Variants in MACF1 observed in about 807,000 individuals in gnomAD.
The protein encoded by MACF1 is microtubule-actin cross-linking factor 1.
A neutral mutation model predicts 854.8 loss-of-function variants in MACF1; 193 were observed. The observed-to-expected ratio is 0.23, with a 90% CI of 0.20 to 0.25. MACF1 has a LOEUF of 0.25. Among genes scored for constraint, MACF1 ranks in the 10% least tolerant of loss-of-function variants. MACF1 has a pLI of 1.00. For missense variants in MACF1, 7,722 were observed against 8,929.1 expected (o/e 0.86, Z 5.45); for synonymous variants, 3,185 against 3,226.7 (o/e 0.99, Z 0.44).
intron 2 of MACF1, among the ~76,000 whole-genome samples, chr1:39,233,794 T>TG (rs1328542259): frequency 1.1e-5 from 1 of 92,020 alleles, no homozygotes; most frequent in Non-Finnish European, 2.6e-5. Flanking sequence ...TTTTTTTTTT[T>TG]TTTATTTATT....
At chr1:39,156,033 G>A (rs544868071) in intron 2 of MACF1, among the ~76,000 whole-genome samples, 3 of 152,166 alleles carry the variant, frequency 2.0e-5, no homozygotes, top group East Asian at 1.9e-4. Flanking sequence ...GACTACAGGC[G>A]CCCGCCACCG....
At chr1:39,368,906 C>G (rs1471726861) in intron 50 of MACF1, among the ~76,000 whole-genome samples, 2 of 151,558 alleles carry the variant, frequency 1.3e-5, no homozygotes, top group Non-Finnish European at 2.9e-5. Context: ...AAATTTGAGG[C>G]AGCAAGTAAG....
At chr1:39,340,090 C>T (rs944156055) in intron 38 of MACF1, among the ~76,000 whole-genome samples, 3 of 152,122 alleles carry the variant, frequency 2.0e-5, no homozygotes, top group Admixed American at 6.6e-5. Flanking sequence ...GTCATCCGTT[C>T]GGTTTATTTT....
chr1:39,430,752 T>G lies in MACF1; in HGVS notation c.17181T>G (p.Asn5727Lys), dbSNP rs1643865089. The change falls in exon 66 of 101, where the codon AAT (asparagine) becomes AAG (lysine). Residue 5727 changes from asparagine to lysine, a missense_variant. Physicochemically the swap from Asn to Lys is moderately conservative, Grantham distance 94. Around this residue, in one of 15 missense-constraint regions of MACF1, gnomAD observed 2,807 missense variants for 3,235.8 expected, o/e 0.87. Transcript: ENST00000564288. ...MEHRLVLDTV[N>K]EVSRALLELV... is the part of the protein sequence containing the mutation. ...ACAGGCTGGTGTTGGACACAGTGAATGAGGTGAGCCGTGCTCTCTTAGAGC... is the reference window on the plus strand; with the variant it reads ...ACAGGCTGGTGTTGGACACAGTGAAGGAGGTGAGCCGTGCTCTCTTAGAGC... 1 of 1,612,042 alleles carries G rather than the reference T, an allele frequency of 6.2e-7. No homozygotes were observed. Among genetic ancestry groups the G allele is most frequent in the Non-Finnish European group, 8.5e-7 (1 of 1,179,942 alleles).
chr1:39,414,710 C>T (rs1035093476), intron 58 of MACF1, among the ~76,000 whole-genome samples: 18 of 152,136 alleles, frequency 1.2e-4, no homozygotes, highest in Non-Finnish European at 2.2e-4. Context: ...GCCAATCCCA[C>T]GGAAAACAGG....
intron 28 of MACF1, 82 bp from the exon 29 acceptor site, chr1:39,317,132 C>T: frequency 1.5e-6 from 2 of 1,345,036 alleles, no homozygotes; most frequent in Admixed American, 2.3e-5. Context: ...AGCTGTAGAC[C>T]GTGTCCTTGT....
At chr1:39,468,059 G>T (rs1644705584) in intron 95 of MACF1, 1 of 152,222 alleles carries the variant, frequency 6.6e-6, no homozygotes. Context: ...TGGTGCAGAG[G>T]CAGTGGTGTG....
chr1:39,205,676 C>T (rs976416013), intron 1 of MACF1, among the ~76,000 whole-genome samples: 3 of 152,034 alleles, frequency 2.0e-5, no homozygotes, highest in Non-Finnish European at 4.4e-5. Flanking sequence ...TGTCTGTGTT[C>T]TCTTTGATAT....
intron 70 of MACF1, chr1:39,436,373 A>C (rs755951027): frequency 8.7e-7 from 1 of 1,144,946 alleles, no homozygotes; most frequent in African/African-American, 1.5e-5. Flanking sequence ...CTTCCGTCCC[A>C]TCTCTCACTC....
At chr1:39,272,351 G>A (rs993009181) in intron 6 of MACF1, among the ~76,000 whole-genome samples, 1 of 152,146 alleles carries the variant, frequency 6.6e-6, no homozygotes, top group African/African-American at 2.4e-5. Context: ...CAGAGAAACA[G>A]AGAGGGCAAC....
rs199527234 is a variant in MACF1 at position 39,412,417 on chromosome 1, G to A, written c.15817-9957G>A. The A allele has an allele frequency of 5.8e-4, 938 of 1,614,028 alleles. 3 individuals are homozygous for A. The highest frequency in any genetic ancestry group is 2.0e-3 in the Middle Eastern group (12 of 6,062). On this transcript the variant is annotated intron_variant, in intron 58 of 100. Transcript: ENST00000564288. ...GTCTGTGGAGAAAGTTTGTGATGAG[G>A]ATGGTGAGGCAAAAGAGCTGGATTA... is the stretch of plus-strand genomic sequence containing the variant.
chr1:39,451,996 C>T (rs1644351703), intron 85 of MACF1, among the ~76,000 whole-genome samples, 160 bp from the exon 86 acceptor site: 1 of 152,212 alleles, frequency 6.6e-6, no homozygotes, highest in Non-Finnish European at 1.5e-5. Context: ...GCATGAGCCA[C>T]TGCGCCCGGC....
At position 39,485,811 on chromosome 1, in the gene MACF1, C is replaced by A. The variant is rs545883235; in HGVS notation, c.*17C>A. ...AAGCGATAACACTGTCTAAGCACCC[C>A]CAAGCCACTATCCACTTTGAATCCT... On this transcript the variant is annotated 3_prime_UTR_variant, in exon 101 of 101. Coordinates refer to ENST00000564288, the MANE Select transcript of MACF1 (RefSeq NM_001394062.1). 6.4e-7 allele frequency: 1 copy of A among 1,560,232 alleles called. No individual in the cohort carries two copies. The highest frequency in any genetic ancestry group is 8.7e-7 in the Non-Finnish European group (1 of 1,150,004).
At chr1:39,423,892 C>T in intron 60 of MACF1, 136 bp from the exon 61 acceptor site, 1 of 635,414 alleles carries the variant, frequency 1.6e-6, no homozygotes, top group East Asian at 3.0e-5. Context: ...TGTTTTTGCC[C>T]CAAGGATGAA....
intron 58 of MACF1, among the ~76,000 whole-genome samples, chr1:39,419,676 A>T (rs1263051753): frequency 2.0e-5 from 3 of 152,162 alleles, no homozygotes; most frequent in Non-Finnish European, 4.4e-5. Flanking sequence ...CTTGTTGCCC[A>T]GGCTGGAGTG....
chr1:39,412,378 G>A (rs753065767), intron 58 of MACF1: 5 of 1,614,048 alleles, frequency 3.1e-6, no homozygotes, highest in Admixed American at 3.3e-5. Context: ...GGGAAATGTG[G>A]TCACTTGTGA....
At chr1:39,090,045 C>T (rs1204650929) in intron 2 of MACF1, among the ~76,000 whole-genome samples, 1 of 152,194 alleles carries the variant, frequency 6.6e-6, no homozygotes, top group Non-Finnish European at 1.5e-5. Flanking sequence ...TTTCTGTCCC[C>T]TTCTTTTGTT....
intron 2 of MACF1, among the ~76,000 whole-genome samples, chr1:39,096,948 C>G (rs550258296): frequency 6.9e-6 from 1 of 143,996 alleles, no homozygotes; most frequent in African/African-American, 2.6e-5. Context: ...GTGATCTCGG[C>G]TCACTGCAAC....
intron 1 of MACF1, among the ~76,000 whole-genome samples, chr1:39,218,907 A>C (rs1644611797): frequency 6.6e-6 from 1 of 151,992 alleles, no homozygotes; most frequent in Non-Finnish European, 1.5e-5. Flanking sequence ...CAGCCTCCCA[A>C]GTAGCTGGGA....
Sources: allele counts gnomAD v4.1 joint callset (sites outside exome capture counted in the v4.1 genomes callset), GRCh38; gene constraint gnomAD v4.1.1; regional missense constraint gnomAD v4.1.1; transcripts MANE v1.5; gene names NCBI Gene and HGNC (gene_info 2026-07-23, HGNC 2026-07-21).